ADAMTS3: variants seen among roughly 807,000 people sequenced by gnomAD.
ADAMTS3 encodes A disintegrin and metalloproteinase with thrombospondin motifs 3.
In ADAMTS3, 73 loss-of-function variants were observed where a neutral mutation model predicts 129.0. That is an observed-to-expected ratio of 0.57 (90% confidence interval 0.47 to 0.69). The LOEUF is 0.69. Ranked by LOEUF, ADAMTS3 falls within the 30% of genes least tolerant of loss-of-function variation. The pLI, the probability that ADAMTS3 is intolerant of heterozygous loss-of-function variation, is 0.00. For synonymous variants in ADAMTS3, 477 were observed against 510.8 expected (o/e 0.93, Z 0.89); for missense variants, 1,457 against 1,514.5 (o/e 0.96, Z 0.63).
rs16847863 is a variant in ADAMTS3 at position 72,386,785 on chromosome 4, C to T, written c.661+28030G>A. On this transcript the variant is annotated intron_variant, in intron 4 of 21. Coordinates refer to ENST00000286657, the MANE Select transcript of ADAMTS3 (RefSeq NM_014243.3). ...CCTACTCAAGGGCCTGCTCTTTAAGCCCACTGAACTATTCCATCAAAGATA... is the reference window on the plus strand; with the variant it reads ...CCTACTCAAGGGCCTGCTCTTTAAGTCCACTGAACTATTCCATCAAAGATA... Among the ~76,000 whole-genome samples the T allele has an allele frequency of 1.4e-3, 210 of 152,230 alleles. 1 individual carries two copies. The highest frequency in any genetic ancestry group is 4.8e-3 in the African/African-American group (198 of 41,552).
At chr4:72,483,841 A>G (rs1490449798) in intron 3 of ADAMTS3, among the ~76,000 whole-genome samples, 2 of 151,890 alleles carry the variant, frequency 1.3e-5, no homozygotes, top group African/African-American at 4.8e-5. Flanking sequence ...ACATGGTGAA[A>G]CCCCGTCTCT....
intron 13 of ADAMTS3, 82 bp downstream of exon 13, chr4:72,312,209 G>C: frequency 6.8e-7 from 1 of 1,475,564 alleles, no homozygotes. Flanking sequence ...TAGGGATCAA[G>C]AGTCCATGGG....
At chr4:72,304,797 C>G (rs1336005818) in intron 16 of ADAMTS3, among the ~76,000 whole-genome samples, 1 of 151,838 alleles carries the variant, frequency 6.6e-6, no homozygotes, top group Non-Finnish European at 1.5e-5. Flanking sequence ...CATGTTACTA[C>G]AATTATTGAA....
chr4:72,421,790 C>T (rs1287642799), intron 3 of ADAMTS3, among the ~76,000 whole-genome samples: 3 of 152,096 alleles, frequency 2.0e-5, no homozygotes, highest in African/African-American at 7.2e-5. Flanking sequence ...TCCCGTCACA[C>T]TATATTAATA....
intron 4 of ADAMTS3, among the ~76,000 whole-genome samples, chr4:72,373,899 A>AAAT (rs58311705): frequency 3.5e-5 from 5 of 141,114 alleles, no homozygotes; most frequent in African/African-American, 1.3e-4. Flanking sequence ...CCCCATCTCA[A>AAAT]AATAATAATA....
chr4:72,406,326 T>C (rs940869190), intron 4 of ADAMTS3, among the ~76,000 whole-genome samples: 3 of 152,214 alleles, frequency 2.0e-5, no homozygotes, highest in Admixed American at 6.5e-5. Context: ...TAATATAGGA[T>C]AATTTCATAT....
chr4:72,285,702 A>G (rs1718486657), intron 21 of ADAMTS3, among the ~76,000 whole-genome samples: 1 of 152,030 alleles, frequency 6.6e-6, no homozygotes, highest in Admixed American at 6.6e-5. Context: ...TCTGAGAAAA[A>G]TAAGAGCAAA....
Position 72,487,367 on chromosome 4 carries a change from A to C in ADAMTS3, c.504+61111T>G, listed in dbSNP as rs189372638. 1.9e-3 allele frequency among the ~76,000 whole-genome samples: 287 copies of C among 152,260 alleles called. 2 individuals carry two copies. Among genetic ancestry groups the C allele is most frequent in the African/African-American group, 6.8e-3 (284 of 41,582 alleles). On this transcript the variant is annotated intron_variant, in intron 3 of 21. Coordinates refer to ENST00000286657, the MANE Select transcript of ADAMTS3 (RefSeq NM_014243.3). ...AATTTGCAGCAAGTATTCTGACTCC[A>C]TCACAAGAATCTATGATCTTCTTAA...
intron 3 of ADAMTS3, among the ~76,000 whole-genome samples, chr4:72,445,055 G>C (rs555806733): frequency 1.3e-5 from 2 of 151,540 alleles, no homozygotes; most frequent in South Asian, 4.2e-4. Context: ...GAAATGAGAG[G>C]AAATGGAGAC....
chr4:72,397,331 G>A (rs1378706194), intron 4 of ADAMTS3, among the ~76,000 whole-genome samples: 9 of 152,038 alleles, frequency 5.9e-5, no homozygotes, highest in African/African-American at 1.7e-4. Flanking sequence ...TTGGGAGGCC[G>A]AGGTGGGTGG....
intron 4 of ADAMTS3, among the ~76,000 whole-genome samples, chr4:72,342,929 A>G (rs1049414668): frequency 3.9e-4 from 59 of 152,298 alleles, no homozygotes; most frequent in African/African-American, 1.3e-3. Context: ...GTATGCAGAC[A>G]CACACAAGAA....
In ADAMTS3 at chr4:72,548,848, A is replaced by G. The variant is rs1358543517; in HGVS notation, c.134T>C (p.Val45Ala). 2 of 1,613,278 alleles carry G rather than the reference A, an allele frequency of 1.2e-6. No individual in the cohort carries two copies. Among genetic ancestry groups the G allele is most frequent in the African/African-American group, 2.7e-5 (2 of 74,888 alleles). ...TTCTAGATTTGTGCTGACTGGAGTC[A>G]CCAGCTCATACTCTCTATATCTCTT... is the stretch of plus-strand genomic sequence containing the variant. ...PIKRYREYEL[V>A]TPVSTNLEGR... The change falls in exon 3 of 22, where the codon GTG becomes GCG. Residue 45 changes from valine (V) to alanine (A), a missense_variant. Val to Ala is a moderately conservative substitution (Grantham distance 64). Transcript: ENST00000286657.
At chr4:72,455,632 A>AG (rs1489684317) in intron 3 of ADAMTS3, among the ~76,000 whole-genome samples, 4 of 149,674 alleles carry the variant, frequency 2.7e-5, no homozygotes, top group African/African-American at 9.8e-5. Flanking sequence ...AAAAAAAAAA[A>AG]AAAGAAAGAA....
rs1228783199 is a variant in ADAMTS3, at chr4:72,343,808, A to T, written c.662-4115T>A. On this transcript the variant is annotated intron_variant, in intron 4 of 21. Coordinates refer to ENST00000286657, the MANE Select transcript of ADAMTS3 (RefSeq NM_014243.3). ...TAGAGCAGTGTTATTAATCTCATGCATCATTCCAAAAAGGTGATGCTCACA... is the reference window on the plus strand; with the variant it reads ...TAGAGCAGTGTTATTAATCTCATGCTTCATTCCAAAAAGGTGATGCTCACA... Among the ~76,000 whole-genome samples, 4 of 152,218 alleles carry T rather than the reference A, an allele frequency of 2.6e-5. No homozygotes were observed. The East Asian group carries it at 7.7e-4, about 29-fold the overall frequency.
intron 3 of ADAMTS3, among the ~76,000 whole-genome samples, chr4:72,515,113 G>A (rs200495931): frequency 2.2e-4 from 33 of 152,108 alleles, no homozygotes; most frequent in African/African-American, 7.2e-4. Flanking sequence ...GCGATAGTTT[G>A]CTGAGAATGA....
At chr4:72,329,612 G>A (rs1016862579) in intron 5 of ADAMTS3, among the ~76,000 whole-genome samples, 2 of 152,062 alleles carry the variant, frequency 1.3e-5, no homozygotes, top group Admixed American at 1.3e-4. Flanking sequence ...TGTTGTTGCT[G>A]TTGTTGCTGT....
chr4:72,379,584 G>C (rs546999567), intron 4 of ADAMTS3, among the ~76,000 whole-genome samples: 1 of 152,076 alleles, frequency 6.6e-6, no homozygotes, highest in African/African-American at 2.4e-5. Context: ...ATTTATGATA[G>C]AGTGAAAAGA....
At chr4:72,381,020 C>T (rs1164385809) in intron 4 of ADAMTS3, among the ~76,000 whole-genome samples, 1 of 152,066 alleles carries the variant, frequency 6.6e-6, no homozygotes, top group African/African-American at 2.4e-5. Context: ...TTTTAAAAAG[C>T]TCCCAGTTTT....
chr4:72,487,247 G>A (rs1471704281), intron 3 of ADAMTS3, among the ~76,000 whole-genome samples: 1 of 152,006 alleles, frequency 6.6e-6, no homozygotes, highest in Non-Finnish European at 1.5e-5. Flanking sequence ...CAATGTTCAG[G>A]AAAACAAATA....
Sources: allele counts gnomAD v4.1 joint callset (sites outside exome capture counted in the v4.1 genomes callset), GRCh38; gene constraint gnomAD v4.1.1; transcripts MANE v1.5; gene names NCBI Gene and HGNC (gene_info 2026-07-23, HGNC 2026-07-21).